The following TCF25 variants were observed in gnomAD, a reference collection of about 807,000 sequenced individuals.
The protein encoded by TCF25 is TCF25 ribosome quality control complex subunit, also known as ribosome quality control complex subunit TCF25.
In TCF25, 41 loss-of-function variants were observed where a neutral mutation model predicts 83.1. That is an observed-to-expected ratio of 0.49 (90% CI 0.38 to 0.64). The LOEUF (loss-of-function observed/expected upper bound fraction) is 0.64, where lower values mean the gene tolerates loss of function less well. Among genes scored for constraint, TCF25 ranks in the 30% least tolerant of loss-of-function variants. TCF25 has a pLI of 0.00. For synonymous variants in TCF25, 458 were observed against 365.0 expected, an observed-to-expected ratio of 1.25 and a Z score of -2.90; for missense variants, 979 against 914.5, an observed-to-expected ratio of 1.07 and a Z score of -0.91.
chr16:89,908,638 C>T (rs1260919422), intron 16 of TCF25, among the ~76,000 whole-genome samples: 4 of 103,110 alleles, frequency 3.9e-5, no homozygotes, highest in African/African-American at 8.9e-5. Context: ...TCCCACCTCC[C>T]ACCTCCCAGC....
At chr16:89,904,486 G>C in intron 13 of TCF25, 1 of 526,472 alleles carries the variant, frequency 1.9e-6, no homozygotes, top group Admixed American at 3.2e-5. Flanking sequence ...TCAGCTTTTT[G>C]GGAGGCCGGC....
intron 14 of TCF25, among the ~76,000 whole-genome samples, chr16:89,905,737 G>T (rs144966748): frequency 1.3e-5 from 2 of 152,190 alleles, no homozygotes; most frequent in Admixed American, 1.3e-4. Context: ...GGGCCCGTCC[G>T]CGTGTCTGCT....
At chr16:89,901,411 C>T (rs1337041954) in intron 12 of TCF25, among the ~76,000 whole-genome samples, 1 of 151,618 alleles carries the variant, frequency 6.6e-6, no homozygotes, top group Middle Eastern at 3.2e-3. Context: ...GACGAGCCTC[C>T]TCTGAGGGGC....
In TCF25 at chr16:89,898,483, G is replaced by A. The variant is rs1597349733; in HGVS notation, c.1023-74G>A. 2.0e-6 allele frequency: 3 copies of A among 1,495,214 alleles called. No individual in the cohort carries two copies. The East Asian group carries it at 6.8e-5, about 34-fold the overall frequency. 92.6% of individuals were successfully genotyped at this position (1,495,214 alleles called of 1,614,324 possible). On this transcript the variant is annotated intron_variant, in intron 9 of 17. Coordinates refer to ENST00000263346, the MANE Select transcript of TCF25 (RefSeq NM_014972.3). ...GAGCAGAGGGCGGGGTGGAGTGGGT[G>A]CTGGCCGGGGCGCTGAGCAGAGAGC... is the stretch of plus-strand genomic sequence containing the variant.
At chr16:89,881,148 T>G (rs1175681097) in intron 1 of TCF25, among the ~76,000 whole-genome samples, 1 of 152,198 alleles carries the variant, frequency 6.6e-6, no homozygotes, top group Non-Finnish European at 1.5e-5. Flanking sequence ...TGTGGGAGCC[T>G]CCATTGGAGA....
Position 89,885,971 on chromosome 16 carries a change from G to A in TCF25, c.548+5G>A. ...CGTTCTCTACGTGGAGCACAGGTGT[G>A]GCCCCCGCCCTTCTCTGCGGCTGCC... On this transcript the variant is annotated splice_donor_5th_base_variant and intron_variant, in intron 4 of 17. Coordinates refer to ENST00000263346, the MANE Select transcript of TCF25 (RefSeq NM_014972.3). 6.9e-7 allele frequency: 1 copy of A among 1,441,420 alleles called. No homozygotes were observed. The allele number at this position is 1,441,420 out of a possible 1,614,324, so 89.3% of individuals were successfully genotyped here. A position where few individuals can be genotyped will look rare whatever the true frequency, so the allele number is the denominator to read the frequency against.
chr16:89,906,328 A>G (rs1159317587), intron 15 of TCF25, 44 bp downstream of exon 15: 3 of 1,588,128 alleles, frequency 1.9e-6, no homozygotes, highest in African/African-American at 2.7e-5. Context: ...TAAGCCGGTC[A>G]CATGCACGTC....
In TCF25 at chr16:89,878,674, G is replaced by C. The variant is rs1039204140; in HGVS notation, c.193-4677G>C. 5 of 1,062,586 alleles carry C rather than the reference G, an allele frequency of 4.7e-6. No individual in the cohort carries two copies. The Admixed American group carries it at 1.5e-4, about 33-fold the overall frequency. The allele number at this position is 1,062,586 out of a possible 1,614,324, so 65.8% of individuals were successfully genotyped here. On this transcript the variant is annotated intron_variant, in intron 1 of 17. Transcript: ENST00000263346. ...TTTGTTTTTTGAGACGGAGTCTTGC[G>C]CTGTCGCCCAGGCTGGAGTGCAGTG...
intron 1 of TCF25, among the ~76,000 whole-genome samples, chr16:89,880,923 A>C (rs1217434826): frequency 6.6e-6 from 1 of 152,230 alleles, no homozygotes; most frequent in Admixed American, 6.5e-5. Context: ...CTTCGCCAGC[A>C]AAGGCCAGGC....
chr16:89,887,512 T>C, intron 4 of TCF25, 140 bp from the exon 5 acceptor site: 1 of 695,918 alleles, frequency 1.4e-6, no homozygotes, highest in South Asian at 2.2e-5. Flanking sequence ...GGGGTGGTGA[T>C]TTTAGAGAAA....
chr16:89,896,051 C>T lies in TCF25; in HGVS notation c.990C>T (p.Ala330=). 6.2e-7 allele frequency: 1 copy of T among 1,613,878 alleles called. No homozygotes were observed. The highest frequency in any genetic ancestry group is 8.5e-7 in the Non-Finnish European group (1 of 1,179,990). ...CCCTGTTCAGTCTCACCAGTGGGGC[C>T]TGCCGGCTGGATTACCGCAGACCCG... ...FHPLFSLTSG[A]CRLDYRRPEN... The change falls in exon 9 of 18, where the codon GCC becomes GCT. Residue 330 remains alanine (A), a synonymous_variant. Coordinates refer to ENST00000263346, the MANE Select transcript of TCF25 (RefSeq NM_014972.3).
intron 15 of TCF25, 159 bp downstream of exon 15, chr16:89,906,443 T>A: frequency 1.6e-6 from 1 of 643,908 alleles, no homozygotes; most frequent in Non-Finnish European, 2.7e-6. Context: ...GGGCTCCTCC[T>A]TTCCTGGCAG....
intron 1 of TCF25, chr16:89,878,531 A>G: frequency 1.6e-6 from 2 of 1,235,416 alleles, no homozygotes; most frequent in African/African-American, 1.6e-5. Context: ...TGAAATGCTG[A>G]TCGAGCTTTA....
At position 89,875,820 on chromosome 16, in the gene TCF25, C is replaced by CTTTTTTTTTT. The variant is rs1164528945; in HGVS notation, c.192+1980_192+1989dup. On this transcript the variant is annotated intron_variant, in intron 1 of 17. Transcript: ENST00000263346. Reference sequence around the variant, plus strand: ...TACAGGCGTGAGCCACTGCGCCTGGCTTTTTTTTTTTTTTTTTTTTTTTTT... The same window carrying CTTTTTTTTTT: ...TACAGGCGTGAGCCACTGCGCCTGGCTTTTTTTTTTTTTTTTTTTTTTTTTTTTTTTTTTT... 4.3e-3 allele frequency among the ~76,000 whole-genome samples: 276 copies of CTTTTTTTTTT among 64,856 alleles called. 34 individuals are homozygous for CTTTTTTTTTT. The highest frequency in any genetic ancestry group is 0.034 in the South Asian group (61 of 1,802). The allele number at this position is 64,856 out of a possible 152,430, so 42.5% of individuals were successfully genotyped here. A position where few individuals can be genotyped will look rare whatever the true frequency, so the allele number is the denominator to read the frequency against.
chr16:89,895,355 C>A (rs532039603), intron 8 of TCF25, among the ~76,000 whole-genome samples: 1 of 152,074 alleles, frequency 6.6e-6, no homozygotes. Flanking sequence ...TACAGGCGCC[C>A]GCCACCAGAC....
Position 89,895,046 on chromosome 16 carries a change from C to T in TCF25, c.837C>T (p.Leu279=), listed in dbSNP as rs999796438. The change falls in exon 8 of 18, where the codon CTC becomes CTT. Residue 279 remains leucine (L), a synonymous_variant. Coordinates refer to ENST00000263346, the MANE Select transcript of TCF25 (RefSeq NM_014972.3). ...SMEPNNIVVL[L]QTSPYHVDSL... is the part of the protein sequence containing the mutation. The stretch of plus-strand genomic sequence containing the variant: ...GTCCTCCCTTCTGGTAGGTTCTGCT[C>T]CAGACGAGCCCTTACCACGTTGACT... The T allele has an allele frequency of 1.9e-6, 3 of 1,612,976 alleles. No homozygotes were observed. The highest frequency in any genetic ancestry group is 1.7e-5 in the Admixed American group (1 of 59,968).
chr16:89,909,063 G>C (rs576977361), intron 16 of TCF25: 116 of 1,289,418 alleles, frequency 9.0e-5, no homozygotes, highest in Non-Finnish European at 1.1e-4. Context: ...ACAAGCGCTT[G>C]CGTGTCGGCC....
Position 89,873,952 on chromosome 16 carries a change from A to G in TCF25, c.192+93A>G. 4.1e-6 allele frequency: 5 copies of G among 1,225,950 alleles called. No homozygotes were observed. In the South Asian group the frequency reaches 7.6e-5, roughly 19 times the overall value. The allele number at this position is 1,225,950 out of a possible 1,614,324, so 75.9% of individuals were successfully genotyped here. A position where few individuals can be genotyped will look rare whatever the true frequency, so the allele number is the denominator to read the frequency against. ...AGCCGGGTCGGGGAGCGGGGTTGTG[A>G]TGCCAGGGGTGGGAAGGGTGACGTG... On this transcript the variant is annotated intron_variant, in intron 1 of 17. Transcript: ENST00000263346.
chr16:89,883,491 C>T lies in TCF25; in HGVS notation c.333C>T (p.Thr111=), dbSNP rs778604092. ...AGAGCAAGACGGATGGAGATGACACCGAGACAGTGCCCTCAGAGCAGGTGG... is the reference window on the plus strand; with the variant it reads ...AGAGCAAGACGGATGGAGATGACACTGAGACAGTGCCCTCAGAGCAGGTGG... The part of the protein sequence containing the change: ...NTESKTDGDD[T]ETVPSEQSHA... The change falls in exon 2 of 18, where the codon ACC becomes ACT. Residue 111 remains threonine, a synonymous_variant. Coordinates refer to ENST00000263346, the MANE Select transcript of TCF25 (RefSeq NM_014972.3). 1.2e-5 allele frequency: 19 copies of T among 1,609,070 alleles called. No homozygotes were observed. In the Admixed American group the frequency reaches 1.7e-4, roughly 14 times the overall value.
Sources: gnomAD v4.1 joint callset for allele counts (sites outside exome capture counted in the v4.1 genomes callset) on GRCh38, gnomAD v4.1.1 for gene constraint, MANE v1.5 for transcripts, NCBI Gene and HGNC (gene_info 2026-07-23, HGNC 2026-07-21) for gene names.